The following CELF6 variants were observed in gnomAD, a reference collection of about 807,000 sequenced individuals.
CELF6 encodes CUGBP Elav-like family member 6, also known as Bruno -like 6, RNA binding protein.
A neutral mutation model predicts 53.1 loss-of-function variants in CELF6; 32 were observed. The ratio of observed to expected loss-of-function variants is 0.60; its 90% CI spans 0.46 to 0.81. CELF6 has a LOEUF of 0.81. CELF6 is among the 30% of genes least tolerant of loss of function. CELF6 has a pLI of 0.00. For synonymous variants in CELF6, 291 were observed against 288.8 expected, an observed-to-expected ratio of 1.01 and a Z score of -0.08; for missense variants, 539 against 669.5, an observed-to-expected ratio of 0.81 and a Z score of 2.15.
intron 3 of CELF6, among the ~76,000 whole-genome samples, chr15:72,292,763 C>A (rs754724054): frequency 3.9e-5 from 6 of 152,236 alleles, no homozygotes; most frequent in African/African-American, 4.8e-5. Flanking sequence ...CGCAGTGGCT[C>A]ACGCCTATAA....
intron 3 of CELF6, among the ~76,000 whole-genome samples, chr15:72,304,477 AG>A (rs776075135): frequency 3.9e-4 from 59 of 152,278 alleles, no homozygotes; most frequent in South Asian, 1.7e-3. Context: ...TCTCTCTCCA[AG>A]GGTAAGTGGC....
Position 72,315,989 on chromosome 15 carries a change from T to C in CELF6, c.263-62A>G, listed in dbSNP as rs150468418. 3.4e-5 allele frequency: 39 copies of C among 1,142,066 alleles called. 2 individuals carry two copies. In the African/African-American group the frequency reaches 5.1e-4, roughly 15 times the overall value. 70.7% of individuals were successfully genotyped at this position (1,142,066 alleles called of 1,614,324 possible). A position where few individuals can be genotyped will look rare whatever the true frequency, so the allele number is the denominator to read the frequency against. ...AACCCCCAACTATTCTTCTTCGAAATACCCCACTAAGTTGACAAACTTAAG... is the reference window on the plus strand; with the variant it reads ...AACCCCCAACTATTCTTCTTCGAAACACCCCACTAAGTTGACAAACTTAAG... On this transcript the variant is annotated intron_variant, in intron 1 of 12. Coordinates refer to ENST00000287202, the MANE Select transcript of CELF6 (RefSeq NM_052840.5).
rs34705032 is a variant in CELF6 at position 72,301,734 on chromosome 15, A to ATTTT, written c.394+3008_394+3011dup. 1.6e-4 allele frequency among the ~76,000 whole-genome samples: 20 copies of ATTTT among 125,862 alleles called. 1 individual carries two copies. The highest frequency in any genetic ancestry group is 7.1e-4 in the Admixed American group (8 of 11,324). The allele number at this position is 125,862 out of a possible 152,430, so 82.6% of individuals were successfully genotyped here. The stretch of plus-strand genomic sequence containing the variant: ...AATCCAATACCATTTTAAAAAGTTG[A>ATTTT]TTTTTTTTTTTTTTTTTTTTGAGAC... On this transcript the variant is annotated intron_variant, in intron 3 of 12. Transcript: ENST00000287202.
In CELF6 at chr15:72,290,119, C is replaced by T. The variant is rs2141185347; in HGVS notation, c.523+8G>A. ...TCACCAGGAAATCCCGGGGTCAGCT[C>T]AGGTCACCTTTACTGGTGCCGTCAG... On this transcript the variant is annotated splice_region_variant and intron_variant, in intron 4 of 12. Coordinates refer to ENST00000287202, the MANE Select transcript of CELF6 (RefSeq NM_052840.5). 6.2e-7 allele frequency: 1 copy of T among 1,613,750 alleles called. No individual in the cohort carries two copies. Among genetic ancestry groups the T allele is most frequent in the Non-Finnish European group, 8.5e-7 (1 of 1,179,814 alleles).
At chr15:72,318,733 G>A (rs2140309867) in intron 1 of CELF6, among the ~76,000 whole-genome samples, 1 of 152,276 alleles carries the variant, frequency 6.6e-6, no homozygotes, top group South Asian at 2.1e-4. Context: ...AATGGGCCTG[G>A]ACTGGGACCA....
At chr15:72,287,426 C>T in intron 11 of CELF6, 34 bp from the exon 12 acceptor site, 2 of 1,612,058 alleles carry the variant, frequency 1.2e-6, no homozygotes, top group Non-Finnish European at 1.7e-6. Flanking sequence ...TAGCTGGGGA[C>T]TCTGCCTAGC....
chr15:72,288,716 AC>A lies in CELF6; in HGVS notation c.1094-99del. The A allele has an allele frequency of 7.2e-7, 1 of 1,389,852 alleles. No individual in the cohort carries two copies. Among genetic ancestry groups the A allele is most frequent in the Non-Finnish European group, 1.0e-6 (1 of 999,946 alleles). 86.1% of individuals were successfully genotyped at this position (1,389,852 alleles called of 1,614,324 possible). On this transcript the variant is annotated intron_variant, in intron 9 of 12. Transcript: ENST00000287202. The surrounding 1 kb of genome is among the most constrained non-coding windows in gnomAD (Gnocchi z 4.6). ...GCTTTTGACCAATTCAGCCCAGTCC[AC>A]CATAACCCTCACCCCAAGAGAGGTC... is the stretch of plus-strand genomic sequence containing the variant.
rs1273734283 is a variant in CELF6, at chr15:72,292,331, G to A, written c.395-2076C>T. On this transcript the variant is annotated intron_variant, in intron 3 of 12. Coordinates refer to ENST00000287202, the MANE Select transcript of CELF6 (RefSeq NM_052840.5). Reference sequence around the variant, plus strand: ...ATCTGATGGCTTTGCCTTGACATTGGAGAATGGGCTCATTTGGCCAGAGAA... The same window carrying A: ...ATCTGATGGCTTTGCCTTGACATTGAAGAATGGGCTCATTTGGCCAGAGAA... 5.3e-6 allele frequency: 6 copies of A among 1,122,350 alleles called. No homozygotes were observed. The Admixed American group carries it at 1.2e-4, about 22-fold the overall frequency. The allele number at this position is 1,122,350 out of a possible 1,614,324, so 69.5% of individuals were successfully genotyped here. A position where few individuals can be genotyped will look rare whatever the true frequency, so the allele number is the denominator to read the frequency against.
intron 2 of CELF6, chr15:72,306,223 T>C (rs1439151013): frequency 1.0e-6 from 1 of 983,170 alleles, no homozygotes; most frequent in African/African-American, 1.8e-5. Context: ...GCTGGGTGCG[T>C]GGGAGGTGAG....
intron 3 of CELF6, among the ~76,000 whole-genome samples, chr15:72,302,574 C>G (rs2088173158): frequency 6.6e-6 from 1 of 152,164 alleles, no homozygotes; most frequent in East Asian, 1.9e-4. Context: ...GAGCCCAGAC[C>G]ACCAGAACAC....
chr15:72,286,522 C>T (rs2087924756), intron 12 of CELF6, among the ~76,000 whole-genome samples, 180 bp from the exon 13 acceptor site: 1 of 152,196 alleles, frequency 6.6e-6, no homozygotes, highest in Admixed American at 6.5e-5. Flanking sequence ...TCCACTGAAG[C>T]CAGACTTGAG....
Position 72,320,141 on chromosome 15 carries a change from G to C in CELF6, c.-267C>G. 1.6e-6 allele frequency: 1 copy of C among 636,170 alleles called. No individual in the cohort carries two copies. Among genetic ancestry groups the C allele is most frequent in the Non-Finnish European group, 2.9e-6 (1 of 343,088 alleles). 39.4% of individuals were successfully genotyped at this position (636,170 alleles called of 1,614,324 possible). ...TGAGGTCCCCGTGCGGCTCTCTCTG[G>C]GCTCCCGCCCGAGCTCTCCCAGAGC... On this transcript the variant is annotated 5_prime_UTR_variant, in exon 1 of 13. Coordinates refer to ENST00000287202, the MANE Select transcript of CELF6 (RefSeq NM_052840.5).
At chr15:72,313,024 T>A (rs1161483558) in intron 2 of CELF6, among the ~76,000 whole-genome samples, 1 of 152,214 alleles carries the variant, frequency 6.6e-6, no homozygotes, top group Non-Finnish European at 1.5e-5. Context: ...AAGCCAATCC[T>A]GACAGTATCA....
At chr15:72,304,916 C>G in intron 2 of CELF6, 122 bp from the exon 3 acceptor site, 2 of 734,110 alleles carry the variant, frequency 2.7e-6, no homozygotes, top group Admixed American at 4.9e-5. Context: ...TGCACTCTAC[C>G]ACTTCCAAAC....
At chr15:72,291,365 C>T (rs1211862461) in intron 3 of CELF6, among the ~76,000 whole-genome samples, 1 of 152,142 alleles carries the variant, frequency 6.6e-6, no homozygotes, top group African/African-American at 2.4e-5. Context: ...CAAGGTAAAT[C>T]TCTGAATTTG....
At chr15:72,311,548 G>T (rs2088296757) in intron 2 of CELF6, among the ~76,000 whole-genome samples, 2 of 150,660 alleles carry the variant, frequency 1.3e-5, no homozygotes, top group Non-Finnish European at 3.0e-5. Context: ...GACTACAGGC[G>T]CTCGCCATCA....
intron 3 of CELF6, among the ~76,000 whole-genome samples, chr15:72,292,016 C>A (rs115172174): frequency 0.011 from 1,744 of 152,250 alleles, 52 homozygotes; most frequent in Admixed American, 0.053. Context: ...GTTTCCCAAC[C>A]TTTTGAAAAA....
At chr15:72,296,392 T>G (rs73438487) in intron 3 of CELF6, among the ~76,000 whole-genome samples, 27,566 of 151,968 alleles carry the variant, frequency 0.18, 5,692 homozygotes, top group African/African-American at 0.5. Flanking sequence ...ACATCAAAAT[T>G]AAAAACTTTA....
Position 72,287,424 on chromosome 15 carries a change from G to A in CELF6, c.1319-32C>T, listed in dbSNP as rs771675030. The A allele has an allele frequency of 3.1e-6, 5 of 1,612,486 alleles. No homozygotes were observed. In the South Asian group the frequency reaches 5.5e-5, roughly 18 times the overall value. On this transcript the variant is annotated intron_variant, in intron 11 of 12. Transcript: ENST00000287202. ...GGTGTGGGCAAAGAGATTAGCTGGG[G>A]ACTCTGCCTAGCAGGGCCTCCTTTC...
Sources: allele counts gnomAD v4.1 joint callset (sites outside exome capture counted in the v4.1 genomes callset), GRCh38; gene constraint gnomAD v4.1.1; non-coding constraint Gnocchi (gnomAD v3.1); transcripts MANE v1.5; gene names NCBI Gene and HGNC (gene_info 2026-07-23, HGNC 2026-07-21).